Variants in STXBP2 observed in about 807,000 individuals in gnomAD.
STXBP2 encodes the protein syntaxin binding protein 2.
In STXBP2, 47 loss-of-function variants were observed where a neutral mutation model predicts 72.2. The observed-to-expected ratio is 0.65, with a 90% confidence interval of 0.51 to 0.83. STXBP2 has a LOEUF of 0.83. Among genes scored for constraint, STXBP2 ranks in the 40% least tolerant of loss-of-function variants. The pLI is 0.00. For missense variants in STXBP2, 702 were observed against 807.6 expected, an observed-to-expected ratio of 0.87 and a Z score of 1.58; for synonymous variants, 367 against 338.7, an observed-to-expected ratio of 1.08 and a Z score of -0.92.
chr19:7,632,215 C>G (rs926038185), upstream of STXBP2, among the ~76,000 whole-genome samples: 8 of 152,170 alleles, frequency 5.3e-5, no homozygotes, highest in African/African-American at 1.9e-4. This position sits in a 1 kb window ranked among gnomAD's most constrained non-coding sequence, Gnocchi z 5.2. Context: ...TAGCATGGCC[C>G]CTGTATAACC....
intron 1 of STXBP2, among the ~76,000 whole-genome samples, chr19:7,638,261 C>G (rs1356074000): frequency 1.3e-5 from 2 of 152,246 alleles, no homozygotes; most frequent in Non-Finnish European, 2.9e-5. Context: ...GTTTCCCTGT[C>G]TGTAAATTGG....
At chr19:7,643,675 TGGAGAGGTGG>T (rs1568468990) in intron 13 of STXBP2, among the ~76,000 whole-genome samples, 7 of 143,146 alleles carry the variant, frequency 4.9e-5, no homozygotes, top group Non-Finnish European at 3.0e-5. Context: ...AATGGAGCCT[TGGAGAGGTGG>T]GCCCTGGGAG....
Position 7,643,147 on chromosome 19 carries a change from C to T in STXBP2, c.1027-18C>T. On this transcript the variant is annotated intron_variant, in intron 12 of 18. Coordinates refer to ENST00000221283, the MANE Select transcript of STXBP2 (RefSeq NM_006949.4). ...CTCAGCCTTTGTTATCCCCCAACCC[C>T]CACCCTGCACCCTGCAGTATTCTAC... 2 of 1,614,130 alleles carry T rather than the reference C, an allele frequency of 1.2e-6. No individual in the cohort carries two copies. Among genetic ancestry groups the T allele is most frequent in the Non-Finnish European group, 1.7e-6 (2 of 1,179,996 alleles).
intron 12 of STXBP2, 23 bp downstream of exon 12, chr19:7,643,071 C>T (rs187111635): frequency 1.5e-5 from 24 of 1,614,064 alleles, no homozygotes; most frequent in Admixed American, 8.3e-5. Flanking sequence ...GGGCAGGGAG[C>T]GGGGACACCT....
chr19:7,640,601 T>G lies in STXBP2; in HGVS notation c.247-130T>G, dbSNP rs115098970. On this transcript the variant is annotated intron_variant, in intron 4 of 18. Coordinates refer to ENST00000221283, the MANE Select transcript of STXBP2 (RefSeq NM_006949.4). ...ATGTGGGTGCGACACTAGTGTGCAT[T>G]TGCACATATACATGTCCCCGTCCGT... is the stretch of plus-strand genomic sequence containing the variant. 2.1e-3 allele frequency: 2,564 copies of G among 1,204,810 alleles called. 38 individuals carry two copies. In the African/African-American group the frequency reaches 0.03, roughly 14 times the overall value. 74.6% of individuals were successfully genotyped at this position (1,204,810 alleles called of 1,614,324 possible). A position where few individuals can be genotyped will look rare whatever the true frequency, so the allele number is the denominator to read the frequency against.
At chr19:7,639,404 T>TG in intron 3 of STXBP2, 1 of 579,002 alleles carries the variant, frequency 1.7e-6, no homozygotes, top group Non-Finnish European at 3.1e-6. Context: ...ACTCTGGATG[T>TG]GGGGTCCCAA....
At chr19:7,630,558 C>T in the STXBP2 span, 1 of 1,531,654 alleles carries the variant, frequency 6.5e-7, no homozygotes, top group Non-Finnish European at 8.8e-7. Context: ...CCTCACCCAC[C>T]CTCTGCCATT....
chr19:7,647,282 G>A (rs376465609), intron 17 of STXBP2, 35 bp downstream of exon 17: 2 of 1,611,158 alleles, frequency 1.2e-6, no homozygotes, highest in South Asian at 2.2e-5. Context: ...CCACGCCTGG[G>A]TCTGTGTTAG....
chr19:7,643,768 GT>G (rs2031998923), intron 13 of STXBP2, among the ~76,000 whole-genome samples: 2 of 150,628 alleles, frequency 1.3e-5, no homozygotes, highest in South Asian at 2.1e-4. Flanking sequence ...TGGGTGAGGG[GT>G]GGAACCTTGG....
In STXBP2 at chr19:7,642,440, C is replaced by T. The variant is rs1389347058; in HGVS notation, c.806C>T (p.Thr269Ile). ...TCCTTCCTCCCCAGGTATGAGACCA[C>T]CGGGCTGAGCGAGGCGCGGGAGAAG... ...IEQDTYRYET[T>I]GLSEAREKAV... The change falls in exon 10 of 19, where the codon ACC becomes ATC. Residue 269 changes from threonine to isoleucine, a missense_variant. Coordinates refer to ENST00000221283, the MANE Select transcript of STXBP2 (RefSeq NM_006949.4). The surrounding 1 kb of genome is among the most constrained non-coding windows in gnomAD (Gnocchi z 6.0). 1.9e-6 allele frequency: 3 copies of T among 1,613,992 alleles called. No homozygotes were observed. In the East Asian group the frequency reaches 6.7e-5, roughly 36 times the overall value.
chr19:7,640,048 ATTTGTGTG>A, intron 4 of STXBP2: 1 of 621,540 alleles, frequency 1.6e-6, no homozygotes, highest in Non-Finnish European at 2.9e-6. Flanking sequence ...CTGTGTGTGC[ATTTGTGTG>A]TATGTGTGTA....
chr19:7,632,895 G>A, upstream of STXBP2: 4 of 1,526,658 alleles, frequency 2.6e-6, no homozygotes, highest in Non-Finnish European at 3.5e-6. The surrounding 1 kb of genome is among the most constrained non-coding windows in gnomAD (Gnocchi z 5.2). Flanking sequence ...AAACTTCCTA[G>A]CCAGCTTGCT....
Position 7,639,856 on chromosome 19 carries a change from G to GTC in STXBP2, c.246+50_246+51insCT, listed in dbSNP as rs753741597. On this transcript the variant is annotated intron_variant, in intron 4 of 18. Coordinates refer to ENST00000221283, the MANE Select transcript of STXBP2 (RefSeq NM_006949.4). ...TGTATGCGCGTGCATGCGTGTACAT[G>GTC]TGCATGTGTGTGTATGTCTGCATGC... The GTC allele has an allele frequency of 7.7e-6, 12 of 1,568,558 alleles. No homozygotes were observed. The South Asian group carries it at 1.3e-4, about 18-fold the overall frequency.
Position 7,647,256 on chromosome 19 carries a change from C to T in STXBP2, c.1538+9C>T. 1.2e-6 allele frequency: 2 copies of T among 1,610,480 alleles called. No homozygotes were observed. The highest frequency in any genetic ancestry group is 1.7e-6 in the Non-Finnish European group (2 of 1,179,252). Reference sequence around the variant, plus strand: ...TCCCAGGCCGCTGTCAGGTGAGGCCCCGGGGCCGCCCCCGCCCACGCCTGG... The same window carrying T: ...TCCCAGGCCGCTGTCAGGTGAGGCCTCGGGGCCGCCCCCGCCCACGCCTGG... On this transcript the variant is annotated intron_variant, in intron 17 of 18. Transcript: ENST00000221283.
At chr19:7,632,757 C>T (rs751579496), upstream of STXBP2, 17 of 1,567,556 alleles carry the variant, frequency 1.1e-5, 1 homozygote, top group South Asian at 1.4e-4. This position sits in a 1 kb window ranked among gnomAD's most constrained non-coding sequence, Gnocchi z 5.2. Flanking sequence ...CAGTGAACAG[C>T]GCTGTCCCTC....
rs1469313928 is a variant in STXBP2, at chr19:7,639,810, G to A, written c.246+3G>A. ...ATTTGCTGAGCCCCACGGAGAAGGT[G>A]CCTACATGAGTGAGCGTGTGTGTAT... On this transcript the variant is annotated splice_donor_region_variant and intron_variant, in intron 4 of 18. Transcript: ENST00000221283. 2 of 1,613,738 alleles carry A rather than the reference G, an allele frequency of 1.2e-6. No homozygotes were observed. The highest frequency in any genetic ancestry group is 2.7e-5 in the African/African-American group (2 of 74,924).
In STXBP2 at chr19:7,640,568, G is replaced by T. The variant is rs76119984; in HGVS notation, c.247-163G>T. 2.7e-4 allele frequency: 218 copies of T among 805,990 alleles called. 1 individual carries two copies. The South Asian group carries it at 3.0e-3, about 11-fold the overall frequency. 49.9% of individuals were successfully genotyped at this position (805,990 alleles called of 1,614,324 possible). ...CGTGCGTGCATCTGTGTGTGTGCGC[G>T]TGTGCCCATGTGGGTGCGACACTAG... On this transcript the variant is annotated intron_variant, in intron 4 of 18. Coordinates refer to ENST00000221283, the MANE Select transcript of STXBP2 (RefSeq NM_006949.4).
chr19:7,632,262 C>T (rs2031344494), upstream of STXBP2: 1 of 1,394,364 alleles, frequency 7.2e-7, no homozygotes, highest in South Asian at 1.3e-5. This position sits in a 1 kb window ranked among gnomAD's most constrained non-coding sequence, Gnocchi z 5.2. Context: ...CCTTGGTCCT[C>T]CCATCTGAAG....
At chr19:7,634,145 C>T (rs147026982), upstream of STXBP2, among the ~76,000 whole-genome samples, 10 of 152,332 alleles carry the variant, frequency 6.6e-5, no homozygotes, top group East Asian at 1.5e-3. Flanking sequence ...TATCTCCTCT[C>T]CTCTATCACC....
Sources: allele counts gnomAD v4.1 joint callset (sites outside exome capture counted in the v4.1 genomes callset), GRCh38; gene constraint gnomAD v4.1.1; non-coding constraint Gnocchi (gnomAD v3.1); transcripts MANE v1.5; gene names NCBI Gene and HGNC (gene_info 2026-07-23, HGNC 2026-07-21).